The following CHD6 variants were observed in gnomAD, a reference collection of about 807,000 sequenced individuals.
CHD6 encodes ATP-dependent chromatin remodeler CHD6.
CHD6 carries 50 observed loss-of-function variants against 276.9 expected under a neutral mutation model. The observed-to-expected ratio is 0.18, with a 90% CI of 0.14 to 0.23. The LOEUF is 0.23. CHD6 is among the 10% of genes least tolerant of loss of function. CHD6 has a pLI of 1.00. For missense variants in CHD6, 2,564 were observed against 3,365.8 expected, an observed-to-expected ratio of 0.76 and a Z score of 5.89; for synonymous variants, 1,173 against 1,229.3, an observed-to-expected ratio of 0.95 and a Z score of 0.96.
chr20:41,437,655 T>G (rs749642130), intron 26 of CHD6, among the ~76,000 whole-genome samples: 2 of 152,180 alleles, frequency 1.3e-5, no homozygotes, highest in Non-Finnish European at 2.9e-5. Flanking sequence ...AAGTGGAACT[T>G]CCAAGTCAGC....
intron 12 of CHD6, 101 bp from the exon 13 acceptor site, chr20:41,488,705 T>G (rs2043476792): frequency 1.0e-6 from 1 of 982,838 alleles, no homozygotes; most frequent in Admixed American, 2.9e-5. Flanking sequence ...TGCTGGGGCC[T>G]AGGTGAGAAG....
At chr20:41,490,063 G>A (rs1412710797) in intron 11 of CHD6, 42 bp from the exon 12 acceptor site, 2 of 1,573,454 alleles carry the variant, frequency 1.3e-6, no homozygotes, top group Admixed American at 1.7e-5. Flanking sequence ...TATCAATATA[G>A]GAAACTTATA....
intron 27 of CHD6, among the ~76,000 whole-genome samples, chr20:41,431,185 G>A (rs139421690): frequency 1.4e-4 from 21 of 152,258 alleles, no homozygotes; most frequent in Admixed American, 2.0e-4. Flanking sequence ...TCATGTTACC[G>A]GGGTCTGAGG....
intron 17 of CHD6, among the ~76,000 whole-genome samples, chr20:41,467,918 C>A (rs1367276270): frequency 2.0e-5 from 3 of 152,122 alleles, no homozygotes; most frequent in African/African-American, 7.2e-5. Context: ...CCTGTCCCAT[C>A]CTGTGCTTCA....
chr20:41,450,958 T>C lies in CHD6; in HGVS notation c.3671A>G (p.Gln1224Arg), dbSNP rs750797771. ...HDDGYKKHLK[Q>R]HCNKVLLRVR... ...GAGGGACACTCACTTGTTGCAGTGC[T>C]GTTTGAGGTGTTTCTTATAGCCATC... The change falls in exon 23 of 37, where the codon CAG (glutamine) becomes CGG (arginine). Residue 1224 changes from glutamine (Q) to arginine (R), a missense_variant. Physicochemically the swap from Gln to Arg is conservative, Grantham distance 43. Around this residue, in one of 7 missense-constraint regions of CHD6, gnomAD observed 515 missense variants for 739.5 expected, o/e 0.70. Coordinates refer to ENST00000373233, the MANE Select transcript of CHD6 (RefSeq NM_032221.5). The C allele has an allele frequency of 6.2e-7, 1 of 1,612,876 alleles. No individual in the cohort carries two copies. The highest frequency in any genetic ancestry group is 8.5e-7 in the Non-Finnish European group (1 of 1,179,220).
chr20:41,513,280 G>A (rs1019464905), intron 4 of CHD6, among the ~76,000 whole-genome samples: 2 of 152,090 alleles, frequency 1.3e-5, no homozygotes, highest in Non-Finnish European at 2.9e-5. Flanking sequence ...GTTCATCAAC[G>A]GTAGTGACTT....
intron 2 of CHD6, among the ~76,000 whole-genome samples, chr20:41,535,287 G>A (rs2044802250): frequency 6.6e-6 from 1 of 152,168 alleles, no homozygotes. Flanking sequence ...TGCCATATGG[G>A]TACACTAGGG....
intron 5 of CHD6, among the ~76,000 whole-genome samples, chr20:41,501,938 A>C (rs1338204673): frequency 1.3e-5 from 2 of 152,130 alleles, no homozygotes; most frequent in Non-Finnish European, 2.9e-5. Flanking sequence ...ACATTTGGAT[A>C]TCCTCTTTTG....
intron 17 of CHD6, among the ~76,000 whole-genome samples, chr20:41,467,411 TA>T (rs2042945228): frequency 6.6e-6 from 1 of 152,026 alleles, no homozygotes; most frequent in Non-Finnish European, 1.5e-5. Context: ...AAAACACAAC[TA>T]GGGGGCAGTG....
At chr20:41,564,291 A>C in intron 1 of CHD6, 2 of 576,822 alleles carry the variant, frequency 3.5e-6, no homozygotes, top group Non-Finnish European at 6.1e-6. Flanking sequence ...AGACACAAAA[A>C]ACTCACAACT....
In CHD6 at chr20:41,551,309, T is replaced by G; in HGVS notation, c.29A>C (p.Lys10Thr). MKMKIQKKEKQLSNLKVLNH... is the reference protein window; with the variant it reads MKMKIQKKETQLSNLKVLNH... ...AAAAGAAAAGTGATCACTTACCTGC[T>G]TCTCTTTTTTCTGTATTTTCATTTT... Residue 10 changes from lysine (K) to threonine (T), a missense_variant, in exon 2 of 37, where the codon AAG (lysine) becomes ACG (threonine). Around this residue, in one of 7 missense-constraint regions of CHD6, gnomAD observed 286 missense variants for 297.8 expected, o/e 0.96. Coordinates refer to ENST00000373233, the MANE Select transcript of CHD6 (RefSeq NM_032221.5). 6.7e-7 allele frequency: 1 copy of G among 1,490,754 alleles called. No homozygotes were observed. The highest frequency in any genetic ancestry group is 9.3e-7 in the Non-Finnish European group (1 of 1,076,956). 92.3% of individuals were successfully genotyped at this position (1,490,754 alleles called of 1,614,324 possible).
chr20:41,514,015 C>T (rs2044188711), intron 4 of CHD6, among the ~76,000 whole-genome samples: 1 of 152,216 alleles, frequency 6.6e-6, no homozygotes, highest in African/African-American at 2.4e-5. Context: ...AGACACTTAA[C>T]AGCCACCAGC....
intron 17 of CHD6, among the ~76,000 whole-genome samples, chr20:41,469,802 T>C (rs976740547): frequency 6.6e-6 from 1 of 152,238 alleles, no homozygotes; most frequent in Non-Finnish European, 1.5e-5. Flanking sequence ...GACGTAAAAA[T>C]TGGTTTTCCT....
chr20:41,430,709 T>G (rs1290876615), intron 27 of CHD6, among the ~76,000 whole-genome samples: 1 of 152,176 alleles, frequency 6.6e-6, no homozygotes. Flanking sequence ...ATGGAGTAAC[T>G]GGTTTGAAAA....
intron 5 of CHD6, among the ~76,000 whole-genome samples, chr20:41,512,247 T>A (rs1433597385): frequency 6.6e-6 from 1 of 152,008 alleles, no homozygotes; most frequent in Non-Finnish European, 1.5e-5. Flanking sequence ...ATTACAGGTG[T>A]GAGCCACAAT....
At chr20:41,412,412 C>G in intron 35 of CHD6, 149 bp from the exon 36 acceptor site, 1 of 833,852 alleles carries the variant, frequency 1.2e-6, no homozygotes. Context: ...AAATAGCCAC[C>G]TGGCTTCACC....
chr20:41,457,506 A>T lies in CHD6; in HGVS notation c.2665-78T>A, dbSNP rs1346436229. On this transcript the variant is annotated intron_variant, in intron 17 of 36. Transcript: ENST00000373233. Reference sequence around the variant, plus strand: ...CAACCCTGGGAATAGGGGAGTGCTTAAATGTCATGTGGTGTGAGTGGCCAA... The same window carrying T: ...CAACCCTGGGAATAGGGGAGTGCTTTAATGTCATGTGGTGTGAGTGGCCAA... 3.3e-6 allele frequency: 5 copies of T among 1,504,928 alleles called. No individual in the cohort carries two copies. The East Asian group carries it at 1.2e-4, about 35-fold the overall frequency. The allele number at this position is 1,504,928 out of a possible 1,614,324, so 93.2% of individuals were successfully genotyped here. A position where few individuals can be genotyped will look rare whatever the true frequency, so the allele number is the denominator to read the frequency against.
intron 36 of CHD6, among the ~76,000 whole-genome samples, 196 bp downstream of exon 36, chr20:41,411,947 TG>T (rs759002180): frequency 1.3e-5 from 2 of 152,250 alleles, no homozygotes; most frequent in African/African-American, 2.4e-5. Context: ...AAATGACCAC[TG>T]GGAGTCACAG....
In CHD6 at chr20:41,462,787, T is replaced by C. The variant is rs551471025; in HGVS notation, c.2665-5359A>G. Among the ~76,000 whole-genome samples the C allele has an allele frequency of 9.8e-5, 15 of 152,352 alleles. No individual in the cohort carries two copies. The South Asian group carries it at 2.9e-3, about 29-fold the overall frequency. On this transcript the variant is annotated intron_variant, in intron 17 of 36. Coordinates refer to ENST00000373233, the MANE Select transcript of CHD6 (RefSeq NM_032221.5). ...ACACACATATACAAATGAATGCATA[T>C]ATTTACACATATGCATATTTATAGT...
Sources: gnomAD v4.1 joint callset for allele counts (sites outside exome capture counted in the v4.1 genomes callset) on GRCh38, gnomAD v4.1.1 for gene constraint, gnomAD v4.1.1 regional missense constraint, MANE v1.5 for transcripts, NCBI Gene and HGNC (gene_info 2026-07-23, HGNC 2026-07-21) for gene names.